CNN2: variants seen among roughly 807,000 people sequenced by gnomAD.
CNN2 encodes calponin 2, also known as calponin-2.
A neutral mutation model predicts 31.0 loss-of-function variants in CNN2; 21 were observed. The observed-to-expected ratio is 0.68, with a 90% CI of 0.48 to 0.98. The LOEUF is 0.98. Among genes scored for constraint, CNN2 ranks in the 50% least tolerant of loss-of-function variants. The pLI is 0.00. For missense variants in CNN2, 399 were observed against 427.3 expected (o/e 0.93, Z 0.58); for synonymous variants, 165 against 179.6 (o/e 0.92, Z 0.65).
intron 4 of CNN2, among the ~76,000 whole-genome samples, chr19:1,035,890 C>G (rs961037365): frequency 6.6e-6 from 1 of 152,118 alleles, no homozygotes; most frequent in African/African-American, 2.4e-5. Context: ...CCACTGCACT[C>G]CAGCCTGGGT....
intron 4 of CNN2, among the ~76,000 whole-genome samples, chr19:1,033,624 CA>C (rs1389216553): frequency 2.0e-5 from 3 of 150,192 alleles, no homozygotes; most frequent in South Asian, 2.1e-4. Context: ...GTGGGTGGGA[CA>C]GTGGTGTAGA....
chr19:1,032,231 T>G (rs2039509003), intron 2 of CNN2, among the ~76,000 whole-genome samples, 161 bp from the exon 3 acceptor site: 2 of 111,106 alleles, frequency 1.8e-5, no homozygotes, highest in African/African-American at 4.0e-5. Context: ...CTAGACGCCG[T>G]CTCAAAAAAA....
At chr19:1,033,655 A>ACGGC (rs199785506) in intron 4 of CNN2, among the ~76,000 whole-genome samples, 6 of 110,734 alleles carry the variant, frequency 5.4e-5, no homozygotes, top group African/African-American at 2.1e-4. Flanking sequence ...TGGGTGGGAC[A>ACGGC]GTGTCTGGTG....
At chr19:1,033,820 G>A (rs1374353443) in intron 4 of CNN2, among the ~76,000 whole-genome samples, 1 of 22,938 alleles carries the variant, frequency 4.4e-5, no homozygotes, top group Non-Finnish European at 8.4e-5. Flanking sequence ...GACGGGGAGC[G>A]TGGGTGGGAC....
intron 1 of CNN2, chr19:1,026,966 C>A (rs970271915): frequency 3.5e-5 from 17 of 490,922 alleles, no homozygotes; most frequent in African/African-American, 8.2e-5. Flanking sequence ...ATTCCCCCCC[C>A]CAACATCTAG....
intron 4 of CNN2, chr19:1,032,906 G>T (rs190661748): frequency 6.1e-6 from 3 of 490,140 alleles, no homozygotes; most frequent in African/African-American, 5.8e-5. Flanking sequence ...AGTCTCCCGA[G>T]TAGCTGGGAT....
chr19:1,035,200 C>T (rs1181555550), intron 4 of CNN2, among the ~76,000 whole-genome samples: 5 of 139,848 alleles, frequency 3.6e-5, no homozygotes, highest in East Asian at 2.3e-4. Context: ...GGGTGGGACA[C>T]GGTGTCTGGT....
At chr19:1,028,266 G>A (rs914189546) in intron 1 of CNN2, among the ~76,000 whole-genome samples, 3 of 151,170 alleles carry the variant, frequency 2.0e-5, no homozygotes, top group Admixed American at 1.3e-4. Context: ...GTGGGGTGGG[G>A]TGGGGGCAGG....
In CNN2 at chr19:1,030,982, C is replaced by A. The variant is rs550175103; in HGVS notation, c.64-89C>A. The A allele has an allele frequency of 6.3e-4, 921 of 1,465,390 alleles. 7 individuals are homozygous for A. In the Admixed American group the frequency reaches 0.019, roughly 30 times the overall value. The allele number at this position is 1,465,390 out of a possible 1,614,324, so 90.8% of individuals were successfully genotyped here. On this transcript the variant is annotated intron_variant, in intron 1 of 6. Transcript: ENST00000263097. ...GCTCTATCTGCTGTTGCCCTGGAGT[C>A]CCCGGCCCCACCCTCTGCAGAGCTT...
At chr19:1,028,983 A>T (rs1430289853) in intron 1 of CNN2, among the ~76,000 whole-genome samples, 2 of 151,712 alleles carry the variant, frequency 1.3e-5, no homozygotes, top group African/African-American at 4.8e-5. Context: ...GGGGACCCTA[A>T]CCCAAATAAT....
At chr19:1,036,672 C>A in intron 6 of CNN2, 110 bp downstream of exon 6, 3 of 1,389,980 alleles carry the variant, frequency 2.2e-6, no homozygotes, top group Non-Finnish European at 3.0e-6. Context: ...TCAGTCTCAG[C>A]CCCTTCCCTA....
At chr19:1,034,236 A>G (rs563004136) in intron 4 of CNN2, among the ~76,000 whole-genome samples, 2 of 4,736 alleles carry the variant, frequency 4.2e-4, no homozygotes, top group Non-Finnish European at 6.9e-4. Flanking sequence ...TGTAGACGGT[A>G]AGCGTGGGTG....
chr19:1,031,148 C>A lies in CNN2; in HGVS notation c.141C>A (p.Gly47=). Residue 47 remains glycine (G), a synonymous_variant, in exon 2 of 7, where the codon GGC becomes GGA. Transcript: ENST00000263097. ...AGGGACTCACCGGCCTCTCCATCGG[C>A]CCCGACTTCCAGAAGGGCCTGAAGG... ...WIEGLTGLSI[G]PDFQKGLKDG... 6.2e-7 allele frequency: 1 copy of A among 1,613,274 alleles called. No individual in the cohort carries two copies. Among genetic ancestry groups the A allele is most frequent in the South Asian group, 1.1e-5 (1 of 91,074 alleles).
intron 6 of CNN2, chr19:1,037,040 T>G (rs2039601470): frequency 4.3e-6 from 1 of 230,664 alleles, no homozygotes; most frequent in Admixed American, 5.3e-5. Context: ...GTATTTTTAG[T>G]AGACATGGGG....
chr19:1,030,109 C>T (rs900040707), intron 1 of CNN2, among the ~76,000 whole-genome samples: 3 of 152,198 alleles, frequency 2.0e-5, no homozygotes, highest in South Asian at 2.1e-4. Flanking sequence ...GTGCTGTCTC[C>T]GCGGTCACTA....
intron 2 of CNN2, among the ~76,000 whole-genome samples, chr19:1,032,002 GA>G (rs1446822926): frequency 1.3e-5 from 2 of 151,890 alleles, no homozygotes; most frequent in Non-Finnish European, 2.9e-5. Flanking sequence ...GGTTGAGGTG[GA>G]CGGATCACGA....
intron 2 of CNN2, 95 bp from the exon 3 acceptor site, chr19:1,032,297 A>T: frequency 6.8e-7 from 1 of 1,473,392 alleles, no homozygotes; most frequent in Non-Finnish European, 9.4e-7. Context: ...TTGCCCAGGA[A>T]GGCGTGAGCT....
rs2039402096 is a variant in CNN2 at position 1,026,736 on chromosome 19, G to A, written c.63+12G>A. On this transcript the variant is annotated intron_variant, in intron 1 of 6. Transcript: ENST00000263097. Reference sequence around the variant, plus strand: ...AGGTCAAGAACCGGGTGAGTGAGGGGCGCCCCTTGTCCCCCCGACAGCGCG... The same window carrying A: ...AGGTCAAGAACCGGGTGAGTGAGGGACGCCCCTTGTCCCCCCGACAGCGCG... The A allele has an allele frequency of 1.9e-6, 3 of 1,547,608 alleles. No homozygotes were observed. The highest frequency in any genetic ancestry group is 2.6e-6 in the Non-Finnish European group (3 of 1,146,304).
intron 1 of CNN2, among the ~76,000 whole-genome samples, chr19:1,028,314 G>A (rs2039430899): frequency 6.6e-6 from 1 of 152,120 alleles, no homozygotes; most frequent in African/African-American, 2.4e-5. Flanking sequence ...ACAGAGGCTG[G>A]AAGAGCCGCT....
Sources: allele counts gnomAD v4.1 joint callset (sites outside exome capture counted in the v4.1 genomes callset), GRCh38; gene constraint gnomAD v4.1.1; transcripts MANE v1.5; gene names NCBI Gene and HGNC (gene_info 2026-07-23, HGNC 2026-07-21).